TNIP1: variants seen among roughly 807,000 people sequenced by gnomAD.
The protein encoded by TNIP1 is TNFAIP3 interacting protein 1.
Under a neutral mutation model 86.6 loss-of-function variants are expected in TNIP1, and 22 were observed. The ratio of observed to expected loss-of-function variants is 0.25; its 90% CI spans 0.18 to 0.36. The LOEUF is 0.36. TNIP1 is among the 10% of genes least tolerant of loss of function. The pLI is 1.00. For missense variants in TNIP1, 709 were observed against 820.6 expected (o/e 0.86, Z 1.66); for synonymous variants, 294 against 313.0 (o/e 0.94, Z 0.64).
At chr5:151,036,943 A>G in intron 12 of TNIP1, 22 bp from the exon 13 acceptor site, 1 of 1,576,376 alleles carries the variant, frequency 6.3e-7, no homozygotes, top group Non-Finnish European at 8.6e-7. Context: ...AAAAGATGGG[A>G]CCATCAGCAG....
intron 5 of TNIP1, 68 bp from the exon 6 acceptor site, chr5:151,057,025 C>G: frequency 1.5e-6 from 2 of 1,302,464 alleles, no homozygotes; most frequent in Non-Finnish European, 2.0e-6. Flanking sequence ...AGTCCATTCT[C>G]CCTCTGCTTC....
rs373469122 is a variant in TNIP1, at chr5:151,042,966, G to T, written c.937-5C>A. 21 of 1,613,992 alleles carry T rather than the reference G, an allele frequency of 1.3e-5. No homozygotes were observed. In the African/African-American group the frequency reaches 2.5e-4, roughly 19 times the overall value. On this transcript the variant is annotated splice_polypyrimidine_tract_variant and splice_region_variant and intron_variant, in intron 9 of 17. Coordinates refer to ENST00000521591, the MANE Select transcript of TNIP1 (RefSeq NM_006058.5). The stretch of plus-strand genomic sequence containing the variant: ...CTGCTTGTTCACTTCCAGCAGCTGT[G>T]GGGAGAGACTGGAGTTAGCAGGAGA...
chr5:151,046,094 CA>C (rs1220017954), intron 8 of TNIP1, 144 bp from the exon 9 acceptor site: 1 of 668,194 alleles, frequency 1.5e-6, no homozygotes, highest in African/African-American at 1.8e-5. Flanking sequence ...CACCACTAAC[CA>C]TCCCAGTCAT....
At chr5:151,056,064 A>T (rs192091214) in intron 6 of TNIP1, among the ~76,000 whole-genome samples, 1 of 152,376 alleles carries the variant, frequency 6.6e-6, no homozygotes, top group East Asian at 1.9e-4. Flanking sequence ...TTAATGCAGC[A>T]ATCTAACCAT....
chr5:151,077,111 C>T (rs1021426237), intron 1 of TNIP1, among the ~76,000 whole-genome samples: 1 of 152,196 alleles, frequency 6.6e-6, no homozygotes, highest in African/African-American at 2.4e-5. Flanking sequence ...TGCATGACAC[C>T]ACCATCTGAC....
In TNIP1 at chr5:151,035,680, T is replaced by C. The variant is rs763554354; in HGVS notation, c.1423A>G (p.Arg475Gly). The C allele has an allele frequency of 6.2e-7, 1 of 1,614,072 alleles. No individual in the cohort carries two copies. The highest frequency in any genetic ancestry group is 8.5e-7 in the Non-Finnish European group (1 of 1,179,994). Residue 475 changes from arginine (R) to glycine (G), a missense_variant, in exon 14 of 18, where the codon AGG (arginine) becomes GGG (glycine). By Grantham distance (125) the Arg-to-Gly change is moderately radical. Coordinates refer to ENST00000521591, the MANE Select transcript of TNIP1 (RefSeq NM_006058.5). Reference sequence around the variant, plus strand: ...ATGCGCTCACGATCACTGCGCTCCCTCTGGAAGTCCTCCTCGAAGATCTTC... The same window carrying C: ...ATGCGCTCACGATCACTGCGCTCCCCCTGGAAGTCCTCCTCGAAGATCTTC... ...QVKIFEEDFQRERSDRERMNE... is the reference protein window; with the variant it reads ...QVKIFEEDFQGERSDRERMNE...
Position 151,034,971 on chromosome 5 carries a change from C to T in TNIP1, c.1587+31G>A. On this transcript the variant is annotated intron_variant, in intron 15 of 17. Transcript: ENST00000521591. ...CTCCATGAGGAAGGTAAGAGGATGTCAGTGCTGCTACCTCCCTCAAGCCTC... is the reference window on the plus strand; with the variant it reads ...CTCCATGAGGAAGGTAAGAGGATGTTAGTGCTGCTACCTCCCTCAAGCCTC... 5 of 1,612,548 alleles carry T rather than the reference C, an allele frequency of 3.1e-6. No homozygotes were observed. The South Asian group carries it at 4.4e-5, about 14-fold the overall frequency.
chr5:151,063,576 A>T, intron 3 of TNIP1, 37 bp downstream of exon 3: 1 of 1,609,006 alleles, frequency 6.2e-7, no homozygotes, highest in Non-Finnish European at 8.5e-7. Flanking sequence ...AGTTTGGGGT[A>T]CAGGGAGAGT....
chr5:151,042,933 T>C lies in TNIP1; in HGVS notation c.965A>G (p.Gln322Arg). Reference protein sequence around the residue: ...ELLEVNKQWDQHFRSMKQQYE... With the variant: ...ELLEVNKQWDRHFRSMKQQYE... ...CTGCTGCTTCATGGACCGGAAATGC[T>C]GGTCCCACTGCTTGTTCACTTCCAG... is the stretch of plus-strand genomic sequence containing the variant. Residue 322 changes from glutamine (Q) to arginine (R), a missense_variant, in exon 10 of 18, where the codon CAG (glutamine) becomes CGG (arginine). Gln to Arg is a conservative substitution (Grantham distance 43, BLOSUM62 1). Coordinates refer to ENST00000521591, the MANE Select transcript of TNIP1 (RefSeq NM_006058.5). 6 of 1,614,196 alleles carry C rather than the reference T, an allele frequency of 3.7e-6. No homozygotes were observed. The highest frequency in any genetic ancestry group is 5.1e-6 in the Non-Finnish European group (6 of 1,180,032).
chr5:151,030,994 CAT>C (rs1756812899), intron 17 of TNIP1, among the ~76,000 whole-genome samples: 1 of 152,142 alleles, frequency 6.6e-6, no homozygotes, highest in South Asian at 2.1e-4. Flanking sequence ...ATGACTTGCT[CAT>C]AGTTCCAGGT....
At chr5:151,037,000 C>A in intron 12 of TNIP1, 79 bp from the exon 13 acceptor site, 1 of 1,488,322 alleles carries the variant, frequency 6.7e-7, no homozygotes, top group Non-Finnish European at 9.0e-7. Context: ...CCTCAGGGAA[C>A]TCCTTCCTAA....
intron 1 of TNIP1, among the ~76,000 whole-genome samples, chr5:151,066,260 T>C (rs1361600865): frequency 6.6e-6 from 1 of 152,178 alleles, no homozygotes; most frequent in African/African-American, 2.4e-5. Context: ...TGAAGACATC[T>C]GAAGGAAGAA....
intron 10 of TNIP1, 100 bp from the exon 11 acceptor site, chr5:151,042,771 C>T (rs1396951066): frequency 5.6e-6 from 9 of 1,594,260 alleles, no homozygotes; most frequent in African/African-American, 4.0e-5. Flanking sequence ...AACACTGCCC[C>T]CAACTTCTCC....
intron 2 of TNIP1, 116 bp downstream of exon 2, chr5:151,064,843 CA>C: frequency 6.9e-7 from 1 of 1,456,400 alleles, no homozygotes; most frequent in Non-Finnish European, 9.5e-7. Flanking sequence ...CCAGGAGGGA[CA>C]GGGGATGACT....
intron 2 of TNIP1, among the ~76,000 whole-genome samples, chr5:151,064,052 GC>G (rs1175888057): frequency 8.5e-5 from 13 of 152,088 alleles, no homozygotes; most frequent in African/African-American, 3.1e-4. Flanking sequence ...TTCACACCCA[GC>G]CAGGGCACTC....
chr5:151,079,200 C>G lies in TNIP1; in HGVS notation c.-37+1680G>C, dbSNP rs559544404. Among the ~76,000 whole-genome samples, 14 of 152,308 alleles carry G rather than the reference C, an allele frequency of 9.2e-5. No individual in the cohort carries two copies. The East Asian group carries it at 2.7e-3, about 29-fold the overall frequency. On this transcript the variant is annotated intron_variant, in intron 1 of 17. Coordinates refer to ENST00000521591, the MANE Select transcript of TNIP1 (RefSeq NM_006058.5). Reference sequence around the variant, plus strand: ...CCCTGATCACATTATTTTCCCGGGACACAGCCAGGACAGCAGCCTTGGTCA... The same window carrying G: ...CCCTGATCACATTATTTTCCCGGGAGACAGCCAGGACAGCAGCCTTGGTCA...
At chr5:151,043,004 G>GA (rs1758650016) in intron 9 of TNIP1, 43 bp from the exon 10 acceptor site, 3 of 1,605,266 alleles carry the variant, frequency 1.9e-6, no homozygotes, top group Admixed American at 3.3e-5. Context: ...AGCAGAGAAG[G>GA]AACAAGGAGA....
chr5:151,034,742 C>A, intron 15 of TNIP1: 1 of 488,356 alleles, frequency 2.0e-6, no homozygotes. Context: ...GCACGGAAGG[C>A]TCATACACGG....
At chr5:151,069,026 G>C (rs1762551452) in intron 1 of TNIP1, among the ~76,000 whole-genome samples, 1 of 152,218 alleles carries the variant, frequency 6.6e-6, no homozygotes, top group Admixed American at 6.5e-5. Context: ...GAACCAGAAA[G>C]GCCCAGTTTG....
Sources: gnomAD v4.1 joint callset for allele counts (sites outside exome capture counted in the v4.1 genomes callset) on GRCh38, gnomAD v4.1.1 for gene constraint, MANE v1.5 for transcripts, NCBI Gene and HGNC (gene_info 2026-07-23, HGNC 2026-07-21) for gene names.